Variants in CSMD3 observed in about 807,000 individuals in gnomAD.
CSMD3 encodes CUB and Sushi multiple domains 3.
Under a neutral mutation model 435.2 loss-of-function variants are expected in CSMD3, and 177 were observed. That is an observed-to-expected ratio of 0.41 (90% confidence interval 0.36 to 0.46). CSMD3 has a LOEUF of 0.46. Ranked by LOEUF, CSMD3 falls within the 20% of genes least tolerant of loss-of-function variation. The pLI is 0.34. For synonymous variants in CSMD3, 1,656 were observed against 1,520.5 expected, an observed-to-expected ratio of 1.09 and a Z score of -2.07; for missense variants, 4,265 against 4,504.6, an observed-to-expected ratio of 0.95 and a Z score of 1.52.
At chr8:113,177,152 G>T (rs2092358479) in intron 3 of CSMD3, among the ~76,000 whole-genome samples, 1 of 151,666 alleles carries the variant, frequency 6.6e-6, no homozygotes, top group South Asian at 2.1e-4. Context: ...ATGCAAGCTA[G>T]ACACATTATA....
At chr8:112,648,775 A>G (rs573829085) in intron 19 of CSMD3, among the ~76,000 whole-genome samples, 1 of 152,232 alleles carries the variant, frequency 6.6e-6, no homozygotes, top group Admixed American at 6.5e-5. Flanking sequence ...TTCGTGGTGA[A>G]TGCTCCTCAT....
intron 3 of CSMD3, among the ~76,000 whole-genome samples, chr8:113,243,695 T>G (rs561262764): frequency 1.3e-5 from 2 of 152,256 alleles, no homozygotes; most frequent in South Asian, 2.1e-4. Flanking sequence ...CAAACTGTTT[T>G]CCAAAGTGGC....
intron 23 of CSMD3, among the ~76,000 whole-genome samples, chr8:112,576,835 C>CAT (rs5894088): frequency 0.047 from 3,360 of 71,398 alleles, 70 homozygotes; most frequent in East Asian, 0.1. Flanking sequence ...AGGCAGCATA[C>CAT]ATATATATAT....
At chr8:112,639,352 G>T (rs2074752678) in intron 20 of CSMD3, among the ~76,000 whole-genome samples, 1 of 152,044 alleles carries the variant, frequency 6.6e-6, no homozygotes, top group African/African-American at 2.4e-5. Context: ...TATTTTAGAA[G>T]AGAAATATAA....
At chr8:113,059,260 C>G (rs557094777) in intron 5 of CSMD3, among the ~76,000 whole-genome samples, 1 of 152,170 alleles carries the variant, frequency 6.6e-6, no homozygotes, top group South Asian at 2.1e-4. Flanking sequence ...CTGCATGAAA[C>G]AAAGCTTATT....
chr8:113,118,653 C>A (rs1470492619), intron 4 of CSMD3, among the ~76,000 whole-genome samples: 1 of 152,108 alleles, frequency 6.6e-6, no homozygotes, highest in South Asian at 2.1e-4. Flanking sequence ...CAGAGCCACA[C>A]CCTGTATCTA....
chr8:112,704,621 A>G (rs2076459548), intron 13 of CSMD3, among the ~76,000 whole-genome samples: 1 of 152,060 alleles, frequency 6.6e-6, no homozygotes, highest in African/African-American at 2.4e-5. Flanking sequence ...AGTTTTATGC[A>G]AGACTCTGCT....
At chr8:112,480,733 C>A (rs145714660) in intron 31 of CSMD3, among the ~76,000 whole-genome samples, 1 of 152,160 alleles carries the variant, frequency 6.6e-6, no homozygotes, top group Admixed American at 6.5e-5. Context: ...TGGCAGACCA[C>A]ATTTCCTGTA....
chr8:112,582,066 T>C (rs761017406), intron 23 of CSMD3, among the ~76,000 whole-genome samples: 6 of 152,060 alleles, frequency 3.9e-5, no homozygotes, highest in Non-Finnish European at 7.4e-5. Flanking sequence ...ACTGTTGGAA[T>C]TGGGGCCTGG....
At chr8:112,672,609 C>T (rs1350822105) in intron 16 of CSMD3, among the ~76,000 whole-genome samples, 1 of 152,020 alleles carries the variant, frequency 6.6e-6, no homozygotes, top group East Asian at 1.9e-4. Flanking sequence ...TGGTTAATCT[C>T]TCAGTTTTCT....
intron 1 of CSMD3, among the ~76,000 whole-genome samples, chr8:113,344,140 A>T (rs1243293191): frequency 1.3e-5 from 2 of 152,182 alleles, no homozygotes; most frequent in Non-Finnish European, 2.9e-5. Flanking sequence ...AGTTATGAAC[A>T]AAACAATCTT....
At chr8:112,617,580 T>C (rs1389736875) in intron 22 of CSMD3, among the ~76,000 whole-genome samples, 1 of 152,164 alleles carries the variant, frequency 6.6e-6, no homozygotes, top group Non-Finnish European at 1.5e-5. Flanking sequence ...TCCACAATGA[T>C]TCTTGAAAGT....
chr8:112,670,258 T>A (rs565725448), intron 16 of CSMD3, among the ~76,000 whole-genome samples: 1 of 152,200 alleles, frequency 6.6e-6, no homozygotes, highest in East Asian at 1.9e-4. Flanking sequence ...CATAGAGGAT[T>A]GAGTTAGCAT....
intron 31 of CSMD3, among the ~76,000 whole-genome samples, chr8:112,480,224 G>A (rs1819501373): frequency 6.6e-6 from 1 of 152,222 alleles, no homozygotes; most frequent in Non-Finnish European, 1.5e-5. Context: ...GAATGGGAAT[G>A]TTTACCCAAT....
intron 6 of CSMD3, among the ~76,000 whole-genome samples, chr8:112,987,430 A>G (rs1192854348): frequency 1.3e-5 from 2 of 152,142 alleles, no homozygotes; most frequent in Non-Finnish European, 2.9e-5. Flanking sequence ...AATATTTTTA[A>G]AACATGGCAT....
chr8:112,921,504 T>C lies in CSMD3; in HGVS notation c.1633+123A>G, dbSNP rs754326638. 42 of 870,116 alleles carry C rather than the reference T, an allele frequency of 4.8e-5. No individual in the cohort carries two copies. In the African/African-American group the frequency reaches 5.3e-4, roughly 11 times the overall value. 53.9% of individuals were successfully genotyped at this position (870,116 alleles called of 1,614,324 possible). A position where few individuals can be genotyped will look rare whatever the true frequency, so the allele number is the denominator to read the frequency against. The stretch of plus-strand genomic sequence containing the variant: ...GATTTTCTATAAATATCAATAAATA[T>C]ATGAGCACAATCTTTCCTTAAAGAT... On this transcript the variant is annotated intron_variant, in intron 10 of 70. Coordinates refer to ENST00000297405, the MANE Select transcript of CSMD3 (RefSeq NM_198123.2).
At chr8:112,373,129 T>G (rs1008392300) in intron 38 of CSMD3, among the ~76,000 whole-genome samples, 21 of 151,586 alleles carry the variant, frequency 1.4e-4, no homozygotes, top group African/African-American at 4.8e-4. Context: ...CCATGTTTCC[T>G]GAAACCTTCA....
At chr8:112,981,476 A>G (rs2085051367) in intron 6 of CSMD3, among the ~76,000 whole-genome samples, 1 of 151,638 alleles carries the variant, frequency 6.6e-6, no homozygotes, top group African/African-American at 2.4e-5. Context: ...GTTAAAGTTT[A>G]TAAGCGTTAA....
chr8:112,577,014 T>C (rs1829998078), intron 23 of CSMD3, among the ~76,000 whole-genome samples: 1 of 152,090 alleles, frequency 6.6e-6, no homozygotes, highest in African/African-American at 2.4e-5. Context: ...TATTTAACAC[T>C]GTTGAGTCAA....
Sources: gnomAD v4.1 joint callset for allele counts (sites outside exome capture counted in the v4.1 genomes callset) on GRCh38, gnomAD v4.1.1 for gene constraint, MANE v1.5 for transcripts, NCBI Gene and HGNC (gene_info 2026-07-23, HGNC 2026-07-21) for gene names.